The following NFIB variants were observed in gnomAD, a reference collection of about 807,000 sequenced individuals.
The protein encoded by NFIB is nuclear factor I B, also known as nuclear factor 1 B-type.
A neutral mutation model predicts 61.5 loss-of-function variants in NFIB; 11 were observed. The observed-to-expected ratio is 0.18, with a 90% CI of 0.11 to 0.30. The LOEUF (loss-of-function observed/expected upper bound fraction) is 0.30. Ranked by LOEUF, NFIB falls within the 10% of genes least tolerant of loss-of-function variation. NFIB has a pLI of 1.00. For synonymous variants in NFIB, 260 were observed against 216.5 expected, an observed-to-expected ratio of 1.20 and a Z score of -1.76; for missense variants, 471 against 608.9, an observed-to-expected ratio of 0.77 and a Z score of 2.38.
chr9:14,382,256 G>A (rs1300532071), intron 1 of NFIB, among the ~76,000 whole-genome samples: 1 of 152,150 alleles, frequency 6.6e-6, no homozygotes, highest in East Asian at 1.9e-4. Flanking sequence ...CTTGACGAGT[G>A]GATGAATAAC....
intron 10 of NFIB, among the ~76,000 whole-genome samples, chr9:14,099,602 A>C (rs1055336606): frequency 8.5e-5 from 13 of 152,344 alleles, no homozygotes; most frequent in Middle Eastern, 3.4e-3. Context: ...TGTCATTTGA[A>C]TTTATTTATT....
At chr9:14,323,143 G>A (rs1255379463) in intron 1 of NFIB, among the ~76,000 whole-genome samples, 2 of 152,200 alleles carry the variant, frequency 1.3e-5, no homozygotes, top group African/African-American at 4.8e-5. Flanking sequence ...TATCATTAAA[G>A]CAAAAGGACC....
intron 1 of NFIB, among the ~76,000 whole-genome samples, chr9:14,344,435 G>A (rs866645147): frequency 2.0e-5 from 3 of 151,966 alleles, no homozygotes; most frequent in African/African-American, 7.3e-5. Context: ...GGAGTTGTTT[G>A]TTTGTTTTGT....
intron 1 of NFIB, among the ~76,000 whole-genome samples, chr9:14,383,233 A>G (rs2061508368): frequency 6.6e-6 from 1 of 152,194 alleles, no homozygotes; most frequent in Non-Finnish European, 1.5e-5. Flanking sequence ...GTCTGTTTAC[A>G]GCTTTATTCA....
intron 3 of NFIB, among the ~76,000 whole-genome samples, chr9:14,164,787 A>G (rs1231428404): frequency 6.6e-6 from 1 of 152,140 alleles, no homozygotes; most frequent in African/African-American, 2.4e-5. Context: ...CACTGGAACC[A>G]TCTGGGATTC....
intron 2 of NFIB, among the ~76,000 whole-genome samples, chr9:14,198,435 G>A (rs1345097214): frequency 1.3e-5 from 2 of 152,162 alleles, no homozygotes; most frequent in Non-Finnish European, 2.9e-5. Context: ...AGTGTTTGTT[G>A]TCAGTGGAGA....
intron 6 of NFIB, among the ~76,000 whole-genome samples, chr9:14,144,848 T>C (rs1016929060): frequency 1.3e-5 from 2 of 152,128 alleles, no homozygotes; most frequent in Non-Finnish European, 2.9e-5. Context: ...TCATAACTTA[T>C]AGGAAGGTCC....
chr9:14,250,018 T>G (rs930308167), intron 2 of NFIB, among the ~76,000 whole-genome samples: 10 of 152,218 alleles, frequency 6.6e-5, no homozygotes, highest in Non-Finnish European at 1.5e-4. Flanking sequence ...AACTCCTTGT[T>G]CAAAACCCCT....
intron 10 of NFIB, among the ~76,000 whole-genome samples, chr9:14,092,524 T>C (rs1198694874): frequency 6.6e-6 from 1 of 152,024 alleles, no homozygotes; most frequent in Non-Finnish European, 1.5e-5. Context: ...TTTCACTATA[T>C]TATATTGCCT....
intron 2 of NFIB, among the ~76,000 whole-genome samples, chr9:14,251,657 C>T (rs76705412): frequency 0.017 from 2,637 of 152,312 alleles, 66 homozygotes; most frequent in African/African-American, 0.059. Flanking sequence ...CTCCTTCTCA[C>T]CACGGCCGAG....
At chr9:14,133,000 G>C (rs936318673) in intron 6 of NFIB, among the ~76,000 whole-genome samples, 2 of 152,104 alleles carry the variant, frequency 1.3e-5, no homozygotes, top group Non-Finnish European at 2.9e-5. Flanking sequence ...CTGACCAGAG[G>C]AGTTTGATAC....
At chr9:14,224,360 TAA>T (rs2052089358) in intron 2 of NFIB, among the ~76,000 whole-genome samples, 1 of 152,088 alleles carries the variant, frequency 6.6e-6, no homozygotes, top group Non-Finnish European at 1.5e-5. Context: ...AGCTAAGAAC[TAA>T]AGAGAATATT....
At position 14,307,323 on chromosome 9, in the gene NFIB, G is replaced by T; in HGVS notation, c.228C>A (p.Leu76=). ...GAATATCTTTGCGCAGTTTGGCAAG[G>T]AGCCTGGATGCCCACTTCTGTTTGA... The part of the protein sequence containing the change: ...PEIKQKWASR[L]LAKLRKDIRQ... Residue 76 remains leucine, a synonymous_variant, in exon 2 of 11, where the codon CTC becomes CTA. Coordinates refer to ENST00000380953, the MANE Select transcript of NFIB (RefSeq NM_001190737.2). This position sits in a 1 kb window ranked among gnomAD's most constrained non-coding sequence, Gnocchi z 5.3. 3 of 1,614,056 alleles carry T rather than the reference G, an allele frequency of 1.9e-6. No individual in the cohort carries two copies. The highest frequency in any genetic ancestry group is 2.5e-6 in the Non-Finnish European group (3 of 1,179,994).
chr9:14,232,168 G>A (rs1193183716), intron 2 of NFIB, among the ~76,000 whole-genome samples: 1 of 152,180 alleles, frequency 6.6e-6, no homozygotes, highest in Non-Finnish European at 1.5e-5. Context: ...AGAATGAAAT[G>A]GGTTCATGGA....
the NFIB span, among the ~76,000 whole-genome samples, chr9:14,441,160 G>GA: frequency 2.9e-5 from 4 of 139,248 alleles, no homozygotes; most frequent in Non-Finnish European, 4.7e-5. Flanking sequence ...AAAGGAGAGA[G>GA]AAAACAAAAA....
the NFIB span, among the ~76,000 whole-genome samples, chr9:14,507,416 C>G: frequency 6.6e-6 from 1 of 152,174 alleles, no homozygotes; most frequent in Non-Finnish European, 1.5e-5. Context: ...GCAACCATTT[C>G]AGTAGGTTTA....
chr9:14,213,948 T>C (rs993985351), intron 2 of NFIB, among the ~76,000 whole-genome samples: 4 of 147,194 alleles, frequency 2.7e-5, no homozygotes, highest in African/African-American at 1.1e-4. Context: ...GCTCCAAATT[T>C]AAGGGGGGAA....
At chr9:14,242,707 A>G (rs1471565437) in intron 2 of NFIB, among the ~76,000 whole-genome samples, 1 of 152,234 alleles carries the variant, frequency 6.6e-6, no homozygotes, top group Non-Finnish European at 1.5e-5. Context: ...ATGCATGGGT[A>G]TATGATCAAC....
chr9:14,472,936 A>G, the NFIB span, among the ~76,000 whole-genome samples: 1 of 152,252 alleles, frequency 6.6e-6, no homozygotes, highest in African/African-American at 2.4e-5. Context: ...CACTTTGAGA[A>G]GCACTGCTCT....
Sources: allele counts gnomAD v4.1 joint callset (sites outside exome capture counted in the v4.1 genomes callset), GRCh38; gene constraint gnomAD v4.1.1; non-coding constraint Gnocchi (gnomAD v3.1); transcripts MANE v1.5; gene names NCBI Gene and HGNC (gene_info 2026-07-23, HGNC 2026-07-21).